The following STX8 variants were observed in gnomAD, a reference collection of about 807,000 sequenced individuals.
The protein encoded by STX8 is syntaxin 8, also known as syntaxin-8.
A neutral mutation model predicts 37.5 loss-of-function variants in STX8; 23 were observed. That is an observed-to-expected ratio of 0.61 (90% CI 0.44 to 0.87). The LOEUF (loss-of-function observed/expected upper bound fraction) is 0.87, where lower values mean the gene tolerates loss of function less well. Ranked by LOEUF, STX8 falls within the 40% of genes least tolerant of loss-of-function variation. The probability of loss-of-function intolerance (pLI) is 0.00; values close to 1 mark genes in which losing one functional copy is unlikely to be tolerated. For synonymous variants in STX8, 115 were observed against 99.1 expected (o/e 1.16, Z -0.95); for missense variants, 313 against 284.7 (o/e 1.10, Z -0.71).
intron 6 of STX8, among the ~76,000 whole-genome samples, chr17:9,472,359 A>C (rs1905907857): frequency 6.6e-6 from 1 of 152,212 alleles, no homozygotes; most frequent in Admixed American, 6.5e-5. Flanking sequence ...GGGGGTTTTA[A>C]GTACATTTTA....
intron 6 of STX8, among the ~76,000 whole-genome samples, chr17:9,440,979 A>G (rs1904628948): frequency 6.6e-6 from 1 of 151,986 alleles, no homozygotes; most frequent in South Asian, 2.1e-4. Context: ...CCTCCTCTCC[A>G]TCTCCAGCTC....
At chr17:9,491,790 G>C (rs943937692) in intron 6 of STX8, 39 bp downstream of exon 6, 10 of 1,537,736 alleles carry the variant, frequency 6.5e-6, no homozygotes, top group Non-Finnish European at 6.3e-6. Flanking sequence ...TAGTATTTAT[G>C]TCAACGGCAA....
chr17:9,574,061 A>C (rs771969234), intron 1 of STX8, among the ~76,000 whole-genome samples: 2 of 152,128 alleles, frequency 1.3e-5, no homozygotes, highest in Non-Finnish European at 2.9e-5. Context: ...GCCTGAGCTC[A>C]GGAGTTCAAG....
intron 7 of STX8, among the ~76,000 whole-genome samples, chr17:9,346,409 C>A (rs1399850211): frequency 3.9e-5 from 6 of 152,168 alleles, no homozygotes; most frequent in Non-Finnish European, 7.4e-5. Flanking sequence ...GCCTGTCCAT[C>A]CCACTTAACC....
Position 9,507,348 on chromosome 17 carries a change from G to T in STX8, c.324-2186C>A, listed in dbSNP as rs545508814. On this transcript the variant is annotated intron_variant, in intron 4 of 7. Transcript: ENST00000306357. This position sits in a 1 kb window ranked among gnomAD's most constrained non-coding sequence, Gnocchi z 4.0. ...AACAGCCCATGGGTCACCCCTAGCG[G>T]CAACTCCCCTAGGCCAGCCGAGCAG... is the stretch of plus-strand genomic sequence containing the variant. 7.2e-5 allele frequency among the ~76,000 whole-genome samples: 11 copies of T among 151,922 alleles called. No individual in the cohort carries two copies. In the East Asian group the frequency reaches 2.0e-3, roughly 27 times the overall value.
chr17:9,327,213 A>AGAAGGAG (rs1468598530), intron 7 of STX8, among the ~76,000 whole-genome samples: 67 of 149,744 alleles, frequency 4.5e-4, no homozygotes, highest in African/African-American at 1.5e-3. Context: ...AGAAGGAGGA[A>AGAAGGAG]GAAGGAGGAA....
intron 7 of STX8, among the ~76,000 whole-genome samples, chr17:9,285,021 C>T (rs1347229658): frequency 3.3e-5 from 5 of 152,166 alleles, no homozygotes; most frequent in African/African-American, 1.2e-4. Flanking sequence ...AGGTTCCATT[C>T]TCCCAGCTTC....
At chr17:9,511,325 A>G (rs953710276) in intron 4 of STX8, among the ~76,000 whole-genome samples, 1 of 152,178 alleles carries the variant, frequency 6.6e-6, no homozygotes, top group African/African-American at 2.4e-5. Flanking sequence ...AGTTCAGGCC[A>G]ATATCCCTGA....
chr17:9,432,588 G>A (rs1914020971), intron 6 of STX8, among the ~76,000 whole-genome samples: 1 of 152,178 alleles, frequency 6.6e-6, no homozygotes, highest in Non-Finnish European at 1.5e-5. Flanking sequence ...TTTAAATGCA[G>A]TCACCACAAA....
intron 6 of STX8, among the ~76,000 whole-genome samples, chr17:9,384,676 G>T (rs1328495390): frequency 6.6e-6 from 1 of 151,660 alleles, no homozygotes; most frequent in African/African-American, 2.4e-5. Context: ...AACAAAACAA[G>T]TTGGAGGTAT....
At chr17:9,524,954 T>C (rs995560008) in intron 4 of STX8, among the ~76,000 whole-genome samples, 2 of 151,994 alleles carry the variant, frequency 1.3e-5, no homozygotes, top group Non-Finnish European at 2.9e-5. Context: ...ACTACAGGCA[T>C]GCACCACCAT....
intron 7 of STX8, among the ~76,000 whole-genome samples, chr17:9,325,718 CAT>C (rs1257775059): frequency 1.3e-5 from 2 of 152,228 alleles, no homozygotes; most frequent in Non-Finnish European, 2.9e-5. Context: ...TTGCAGTGAA[CAT>C]GTGTTTGCTT....
chr17:9,492,111 C>A (rs1013792666), intron 5 of STX8, among the ~76,000 whole-genome samples, 190 bp from the exon 6 acceptor site: 2 of 151,816 alleles, frequency 1.3e-5, no homozygotes, highest in Non-Finnish European at 2.9e-5. Flanking sequence ...AAAACGATTT[C>A]CAAAAGAATT....
At chr17:9,491,135 C>T (rs374852929) in intron 6 of STX8, among the ~76,000 whole-genome samples, 3 of 152,176 alleles carry the variant, frequency 2.0e-5, no homozygotes, top group Non-Finnish European at 4.4e-5. Flanking sequence ...CATCTCCCGC[C>T]GGCATCTCTA....
At chr17:9,290,085 T>A (rs1185451919) in intron 7 of STX8, among the ~76,000 whole-genome samples, 1 of 152,144 alleles carries the variant, frequency 6.6e-6, no homozygotes, top group East Asian at 1.9e-4. Context: ...AATCGAGTCA[T>A]GTCAGTACAA....
chr17:9,572,298 T>C (rs905351887), intron 1 of STX8, among the ~76,000 whole-genome samples: 3 of 152,240 alleles, frequency 2.0e-5, no homozygotes, highest in Non-Finnish European at 4.4e-5. Context: ...ATTAAAATAG[T>C]AACTGCTATA....
chr17:9,379,781 C>T (rs2142286071), intron 6 of STX8, among the ~76,000 whole-genome samples: 1 of 152,076 alleles, frequency 6.6e-6, no homozygotes, highest in East Asian at 1.9e-4. Flanking sequence ...CCAGCCTGAC[C>T]AACATGGTGA....
chr17:9,552,176 C>T (rs117936047), intron 3 of STX8, among the ~76,000 whole-genome samples: 4,134 of 151,972 alleles, frequency 0.027, 69 homozygotes, highest in Non-Finnish European at 0.04. Context: ...ATGGCGAGAC[C>T]CCATCTCTAC....
chr17:9,431,478 G>A (rs1355011909), intron 6 of STX8, among the ~76,000 whole-genome samples: 2 of 150,226 alleles, frequency 1.3e-5, no homozygotes, highest in African/African-American at 4.9e-5. Flanking sequence ...TTGTTTTTTA[G>A]TAGAGATGGG....
Sources: allele counts gnomAD v4.1 joint callset (sites outside exome capture counted in the v4.1 genomes callset), GRCh38; gene constraint gnomAD v4.1.1; non-coding constraint Gnocchi (gnomAD v3.1); transcripts MANE v1.5; gene names NCBI Gene and HGNC (gene_info 2026-07-23, HGNC 2026-07-21).